The following ATP11B variants were observed in gnomAD, a reference collection of about 807,000 sequenced individuals.
ATP11B encodes ATPase phospholipid transporting 11B (putative).
ATP11B carries 81 observed loss-of-function variants against 157.8 expected under a neutral mutation model. That is an observed-to-expected ratio of 0.51 (90% CI 0.43 to 0.62). The LOEUF is 0.62. Ranked by LOEUF, ATP11B falls within the 20% of genes least tolerant of loss-of-function variation. The pLI is 0.00. For missense variants in ATP11B, 1,165 were observed against 1,402.2 expected (o/e 0.83, Z 2.70); for synonymous variants, 451 against 469.4 (o/e 0.96, Z 0.51).
chr3:182,882,154 A>G (rs1722470881), intron 21 of ATP11B, among the ~76,000 whole-genome samples: 1 of 152,152 alleles, frequency 6.6e-6, no homozygotes, highest in Non-Finnish European at 1.5e-5. Flanking sequence ...AATGTGCTGG[A>G]TGGGAAGTTA....
At chr3:182,916,290 T>C in intron 29 of ATP11B, 1 of 985,362 alleles carries the variant, frequency 1.0e-6, no homozygotes, top group African/African-American at 1.7e-5. Flanking sequence ...AGTCTGAGAC[T>C]GCCATTCCAA....
intron 28 of ATP11B, among the ~76,000 whole-genome samples, chr3:182,903,115 T>A (rs1724082969): frequency 6.6e-6 from 1 of 152,114 alleles, no homozygotes; most frequent in Non-Finnish European, 1.5e-5. Flanking sequence ...ATTCATTCTG[T>A]CAGTTTGTAC....
At chr3:182,852,732 A>G (rs554113983) in intron 10 of ATP11B, among the ~76,000 whole-genome samples, 2 of 152,340 alleles carry the variant, frequency 1.3e-5, no homozygotes, top group East Asian at 3.9e-4. Context: ...AGATCTAAGC[A>G]TAATAACTAA....
At chr3:182,845,006 ATTT>A (rs375605298) in intron 8 of ATP11B, among the ~76,000 whole-genome samples, 2,317 of 125,792 alleles carry the variant, frequency 0.018, 84 homozygotes, top group African/African-American at 0.069. Context: ...TTTTTTTTTT[ATTT>A]TTTTTTATTT....
Position 182,846,721 on chromosome 3 carries a change from C to A in ATP11B, c.769+1199C>A, listed in dbSNP as rs564507449. Among the ~76,000 whole-genome samples the A allele has an allele frequency of 5.9e-5, 9 of 152,260 alleles. No individual in the cohort carries two copies. The East Asian group carries it at 1.7e-3, about 29-fold the overall frequency. On this transcript the variant is annotated intron_variant, in intron 9 of 29. Coordinates refer to ENST00000323116, the MANE Select transcript of ATP11B (RefSeq NM_014616.3). ...TATGTTGAGTGAAAGAAGCCAGACA[C>A]AAAAGGCCACATGTTGTATGATTCC...
intron 12 of ATP11B, 137 bp from the exon 13 acceptor site, chr3:182,865,319 A>G: frequency 2.7e-6 from 2 of 746,142 alleles, no homozygotes; most frequent in Non-Finnish European, 4.2e-6. Flanking sequence ...TGCTTGGATT[A>G]TAAGAATCTC....
intron 17 of ATP11B, 99 bp from the exon 18 acceptor site, chr3:182,872,257 T>C (rs1721718725): frequency 2.6e-6 from 2 of 778,704 alleles, no homozygotes; most frequent in East Asian, 2.5e-5. Flanking sequence ...GATTGACTTT[T>C]GGTACTAGGT....
chr3:182,843,652 A>G (rs774112332), intron 8 of ATP11B: 1 of 152,218 alleles, frequency 6.6e-6, no homozygotes, highest in African/African-American at 2.4e-5. Context: ...TGCTGATAGG[A>G]TATGATTACG....
rs573790001 is a variant in ATP11B, at chr3:182,834,731, C to CTA, written c.316-1303_316-1302dup. 3.9e-5 allele frequency among the ~76,000 whole-genome samples: 6 copies of CTA among 152,222 alleles called. No homozygotes were observed. In the South Asian group the frequency reaches 1.2e-3, roughly 32 times the overall value. Reference sequence around the variant, plus strand: ...TGAAATGCTTGTGTCTGTTTCCTTCCTAGTGATGATCCATACAGGCTAACA... The same window carrying CTA: ...TGAAATGCTTGTGTCTGTTTCCTTCCTATAGTGATGATCCATACAGGCTAACA... On this transcript the variant is annotated intron_variant, in intron 4 of 29. Coordinates refer to ENST00000323116, the MANE Select transcript of ATP11B (RefSeq NM_014616.3).
At chr3:182,901,008 C>A (rs910891662) in intron 28 of ATP11B, among the ~76,000 whole-genome samples, 4 of 151,808 alleles carry the variant, frequency 2.6e-5, no homozygotes, top group African/African-American at 9.7e-5. Flanking sequence ...GGTGAAACAC[C>A]GTCTCTACTA....
At position 182,896,771 on chromosome 3, in the gene ATP11B, G is replaced by C; in HGVS notation, c.3048+6G>C. The stretch of plus-strand genomic sequence containing the variant: ...TTATTACAGTCACAGTAAAGGTATG[G>C]TACTGAAATTAGAAATGTGGACACA... On this transcript the variant is annotated splice_donor_region_variant and intron_variant, in intron 26 of 29. Coordinates refer to ENST00000323116, the MANE Select transcript of ATP11B (RefSeq NM_014616.3). 1 of 1,609,380 alleles carries C rather than the reference G, an allele frequency of 6.2e-7. No homozygotes were observed. Among genetic ancestry groups the C allele is most frequent in the Non-Finnish European group, 8.5e-7 (1 of 1,176,698 alleles).
At chr3:182,879,839 A>G (rs77808257) in intron 20 of ATP11B, among the ~76,000 whole-genome samples, 190 bp downstream of exon 20, 18,350 of 152,158 alleles carry the variant, frequency 0.12, 1,416 homozygotes, top group African/African-American at 0.23. Context: ...GTGAGTTTCA[A>G]CTATTCATAG....
At chr3:182,812,930 A>T (rs750524137) in intron 1 of ATP11B, among the ~76,000 whole-genome samples, 1 of 152,158 alleles carries the variant, frequency 6.6e-6, no homozygotes, top group Non-Finnish European at 1.5e-5. Flanking sequence ...TATGAATTTA[A>T]CTACTCTTAT....
chr3:182,921,098 A>AAAG lies in ATP11B; in HGVS notation c.*2995_*2997dup, dbSNP rs1369881893. ...CTAGAAAATTGACAGTTAAGAGCCA[A>AAAG]AAGTTTTTAAAATATGCTACTCTGA... On this transcript the variant is annotated 3_prime_UTR_variant, in exon 30 of 30. Coordinates refer to ENST00000323116, the MANE Select transcript of ATP11B (RefSeq NM_014616.3). 1 of 152,196 alleles carries AAAG rather than the reference A, an allele frequency of 6.6e-6. No individual in the cohort carries two copies. The allele number at this position is 152,196 out of a possible 1,614,324, so 9.4% of individuals were successfully genotyped here.
chr3:182,851,832 C>G (rs550794868), intron 10 of ATP11B, among the ~76,000 whole-genome samples: 1 of 152,296 alleles, frequency 6.6e-6, no homozygotes, highest in South Asian at 2.1e-4. Context: ...ATGCATCAAA[C>G]AGTCTAATGA....
rs746690690 is a variant in ATP11B, at chr3:182,869,307, A to G, written c.1842A>G (p.Arg614=). 1 of 1,605,960 alleles carries G rather than the reference A, an allele frequency of 6.2e-7. No individual in the cohort carries two copies. Among genetic ancestry groups the G allele is most frequent in the East Asian group, 2.2e-5 (1 of 44,654 alleles). ...TAGGTGGAGAAATAGAAAAAACCAG[A>G]ATTCATGTAGATGAATTTGCTTTGG... ...KCIGGEIEKT[R]IHVDEFALKG... Residue 614 remains arginine, a synonymous_variant, in exon 17 of 30, where the codon AGA becomes AGG. Coordinates refer to ENST00000323116, the MANE Select transcript of ATP11B (RefSeq NM_014616.3).
intron 21 of ATP11B, among the ~76,000 whole-genome samples, chr3:182,883,151 T>A (rs867991051): frequency 1.3e-4 from 20 of 152,156 alleles, no homozygotes; most frequent in African/African-American, 4.3e-4. Flanking sequence ...ATGCAGGAAT[T>A]TCTTCTAGTA....
intron 28 of ATP11B, among the ~76,000 whole-genome samples, chr3:182,911,846 C>T (rs187878783): frequency 2.6e-5 from 4 of 152,238 alleles, no homozygotes; most frequent in Admixed American, 2.6e-4. Flanking sequence ...AGAGATGACT[C>T]ATAGTTGGAG....
At chr3:182,915,539 A>G in intron 29 of ATP11B, 1 of 983,038 alleles carries the variant, frequency 1.0e-6, no homozygotes, top group Non-Finnish European at 1.2e-6. Context: ...AAGATACAAT[A>G]GAACCTCTAC....
Sources: gnomAD v4.1 joint callset for allele counts (sites outside exome capture counted in the v4.1 genomes callset) on GRCh38, gnomAD v4.1.1 for gene constraint, MANE v1.5 for transcripts, NCBI Gene and HGNC (gene_info 2026-07-23, HGNC 2026-07-21) for gene names.